GIGYF2: variants seen among roughly 807,000 people sequenced by gnomAD.
GIGYF2 encodes GRB10-interacting GYF protein 2.
GIGYF2 carries 25 observed loss-of-function variants against 208.1 expected under a neutral mutation model. That is an observed-to-expected ratio of 0.12 (90% CI 0.09 to 0.17). The LOEUF is 0.17. GIGYF2 is among the 10% of genes least tolerant of loss of function. GIGYF2 has a pLI of 1.00. For synonymous variants in GIGYF2, 534 were observed against 543.8 expected (o/e 0.98, Z 0.25); for missense variants, 1,302 against 1,579.4 (o/e 0.82, Z 2.98).
intron 8 of GIGYF2, among the ~76,000 whole-genome samples, chr2:232,786,866 C>T (rs139473999): frequency 3.6e-4 from 55 of 152,090 alleles, no homozygotes; most frequent in Middle Eastern, 6.8e-3. Context: ...CTGGGGAGTA[C>T]GACTCTGAGG....
Position 232,812,415 on chromosome 2 carries a change from C to T in GIGYF2, c.2031C>T (p.Pro677=), listed in dbSNP as rs1045807767. The stretch of plus-strand genomic sequence containing the variant: ...GAATATCTGATCAGAACATCATTCC[C>T]TCAGTAACTAGGTCTGTGTCCGTGC... ...KMRISDQNII[P]SVTRSVSVPD... Residue 677 remains proline, a synonymous_variant, in exon 18 of 29, where the codon CCC becomes CCT. Transcript: ENST00000373563. 6.7e-7 allele frequency: 1 copy of T among 1,489,542 alleles called. No individual in the cohort carries two copies. Among genetic ancestry groups the T allele is most frequent in the Non-Finnish European group, 9.4e-7 (1 of 1,066,944 alleles). 92.3% of individuals were successfully genotyped at this position (1,489,542 alleles called of 1,614,324 possible). A position where few individuals can be genotyped will look rare whatever the true frequency, so the allele number is the denominator to read the frequency against.
At chr2:232,767,487 A>G (rs1349770524) in intron 8 of GIGYF2, 5 of 152,592 alleles carry the variant, frequency 3.3e-5, no homozygotes, top group African/African-American at 1.2e-4. Flanking sequence ...TTGCAATGCA[A>G]AATACCACCC....
Position 232,760,489 on chromosome 2 carries a change from G to T in GIGYF2, c.389G>T (p.Arg130Ile). The change falls in exon 7 of 29, where the codon AGA becomes ATA. Residue 130 changes from arginine (R) to isoleucine (I), a missense_variant. Coordinates refer to ENST00000373563, the MANE Select transcript of GIGYF2 (RefSeq NM_001103146.3). ...RSSSRGRGRG[R>I]GECGFYQRSF... Reference sequence around the variant, plus strand: ...GTTTTCTTATTTTCAGGCAGAGGCAGAGGTGAATGTGGTTTCTACCAAAGA... The same window carrying T: ...GTTTTCTTATTTTCAGGCAGAGGCATAGGTGAATGTGGTTTCTACCAAAGA... 2 of 1,611,284 alleles carry T rather than the reference G, an allele frequency of 1.2e-6. No individual in the cohort carries two copies. The highest frequency in any genetic ancestry group is 1.7e-6 in the Non-Finnish European group (2 of 1,177,548).
rs1396012802 is a variant in GIGYF2 at position 232,860,187 on chromosome 2, G to A, written c.*3327G>A. On this transcript the variant is annotated 3_prime_UTR_variant, in exon 29 of 29. Coordinates refer to ENST00000373563, the MANE Select transcript of GIGYF2 (RefSeq NM_001103146.3). ...TGTTTTTGTTTTTGTATTGGAGATGGGTTCTTACTATGTTGCCCAGGCTGG... is the reference window on the plus strand; with the variant it reads ...TGTTTTTGTTTTTGTATTGGAGATGAGTTCTTACTATGTTGCCCAGGCTGG... 6.6e-6 allele frequency: 1 copy of A among 152,004 alleles called. No homozygotes were observed. Among genetic ancestry groups the A allele is most frequent in the Non-Finnish European group, 1.5e-5 (1 of 68,008 alleles). 9.4% of individuals were successfully genotyped at this position (152,004 alleles called of 1,614,324 possible). A position where few individuals can be genotyped will look rare whatever the true frequency, so the allele number is the denominator to read the frequency against.
At chr2:232,829,566 G>A (rs1385499741) in intron 21 of GIGYF2, among the ~76,000 whole-genome samples, 1 of 152,202 alleles carries the variant, frequency 6.6e-6, no homozygotes, top group Non-Finnish European at 1.5e-5. Flanking sequence ...CTCAGTTACT[G>A]AGTTTTTCCA....
At chr2:232,797,489 T>TTGTGTGTGTGTGTGTGTGTGTGTGTG (rs67221198) in intron 14 of GIGYF2, among the ~76,000 whole-genome samples, 4 of 145,090 alleles carry the variant, frequency 2.8e-5, no homozygotes, top group African/African-American at 1.0e-4. Context: ...AGAGCAGGGC[T>TTGTGTGTGTGTGTGTGTGTGTGTGTG]TGTGTGTGTG....
chr2:232,845,810 A>G lies in GIGYF2; in HGVS notation c.3384A>G (p.Val1128=). The change falls in exon 26 of 29, where the codon GTA becomes GTG. Residue 1128 remains valine (V), a synonymous_variant. Coordinates refer to ENST00000373563, the MANE Select transcript of GIGYF2 (RefSeq NM_001103146.3). The part of the protein sequence containing the change: ...EEKLLKLFQG[V]NKAQDGFTQW... ...AGTTGCTGAAGCTCTTTCAGGGAGT[A>G]AATAAAGCCCAAGATGGATTTACGC... 6.2e-7 allele frequency: 1 copy of G among 1,613,586 alleles called. No individual in the cohort carries two copies. The highest frequency in any genetic ancestry group is 8.5e-7 in the Non-Finnish European group (1 of 1,179,460).
Position 232,771,071 on chromosome 2 carries a change from T to A in GIGYF2, c.532+9635T>A, listed in dbSNP as rs760027526. ...AAACTGGTGATATACTTGACACAGA[T>A]AGTGTGGTTTTCAGGTGGGGCATCA... is the stretch of plus-strand genomic sequence containing the variant. On this transcript the variant is annotated intron_variant, in intron 8 of 28. Coordinates refer to ENST00000373563, the MANE Select transcript of GIGYF2 (RefSeq NM_001103146.3). The A allele has an allele frequency of 1.9e-6, 3 of 1,614,094 alleles. No homozygotes were observed. The South Asian group carries it at 3.3e-5, about 18-fold the overall frequency.
chr2:232,754,036 G>A (rs1265666035), intron 5 of GIGYF2, among the ~76,000 whole-genome samples: 2 of 152,082 alleles, frequency 1.3e-5, no homozygotes, highest in African/African-American at 4.8e-5. Context: ...ATGGTGGCAT[G>A]CGCCTGTAGT....
chr2:232,788,476 G>A (rs1699982119), intron 9 of GIGYF2: 1 of 427,056 alleles, frequency 2.3e-6, no homozygotes, highest in South Asian at 1.7e-5. Flanking sequence ...TTTATGCTGA[G>A]CTTGTCCGTA....
At chr2:232,801,921 T>C (rs568210097) in intron 14 of GIGYF2, among the ~76,000 whole-genome samples, 8 of 152,246 alleles carry the variant, frequency 5.3e-5, no homozygotes, top group Admixed American at 1.3e-4. Context: ...TGGATGTGTT[T>C]CCATTTATTT....
Position 232,760,599 on chromosome 2 carries a change from G to C in GIGYF2, c.491+8G>C. On this transcript the variant is annotated splice_region_variant and intron_variant, in intron 7 of 28. Transcript: ENST00000373563. ...GCAGAGCTGGGAGGAAAGGTAACTG[G>C]ATCCACATATTGGCATAAAAATTTC... is the stretch of plus-strand genomic sequence containing the variant. The C allele has an allele frequency of 6.4e-7, 1 of 1,556,460 alleles. No individual in the cohort carries two copies. The highest frequency in any genetic ancestry group is 1.1e-5 in the South Asian group (1 of 89,930).
At chr2:232,720,598 T>C (rs1309634818) in intron 2 of GIGYF2, among the ~76,000 whole-genome samples, 1 of 148,198 alleles carries the variant, frequency 6.7e-6, no homozygotes, top group East Asian at 2.0e-4. Context: ...TGTTTGTTTG[T>C]TTGTTTGTTT....
chr2:232,821,645 AT>A (rs1243065451), intron 21 of GIGYF2, among the ~76,000 whole-genome samples: 1 of 151,928 alleles, frequency 6.6e-6, no homozygotes, highest in African/African-American at 2.4e-5. Flanking sequence ...ATGTCTATTT[AT>A]TTTCCTAGGG....
At chr2:232,708,736 C>T (rs1411250277) in intron 2 of GIGYF2, among the ~76,000 whole-genome samples, 3 of 150,552 alleles carry the variant, frequency 2.0e-5, no homozygotes, top group African/African-American at 7.4e-5. Flanking sequence ...TAACTACAGC[C>T]TCACTGCAGC....
chr2:232,701,014 G>C (rs1388771151), intron 1 of GIGYF2, among the ~76,000 whole-genome samples: 1 of 151,890 alleles, frequency 6.6e-6, no homozygotes, highest in African/African-American at 2.4e-5. Context: ...TTTTATTCAT[G>C]CTCTCAGATG....
At chr2:232,735,592 T>C in intron 3 of GIGYF2, 1 of 456,248 alleles carries the variant, frequency 2.2e-6, no homozygotes, top group Non-Finnish European at 3.0e-6. Context: ...CTACATTGTT[T>C]TATCATTGCT....
intron 8 of GIGYF2, chr2:232,770,836 A>T: frequency 8.9e-7 from 1 of 1,122,968 alleles, no homozygotes; most frequent in East Asian, 2.5e-5. Flanking sequence ...TACCCTTTCC[A>T]AACACCTGTA....
intron 5 of GIGYF2, among the ~76,000 whole-genome samples, chr2:232,755,045 ACTT>A (rs1333942839): frequency 1.3e-5 from 2 of 152,212 alleles, no homozygotes; most frequent in African/African-American, 2.4e-5. Flanking sequence ...TTAGATGTTG[ACTT>A]CTTCAAAAGA....
Sources: allele counts gnomAD v4.1 joint callset (sites outside exome capture counted in the v4.1 genomes callset), GRCh38; gene constraint gnomAD v4.1.1; transcripts MANE v1.5; gene names NCBI Gene and HGNC (gene_info 2026-07-23, HGNC 2026-07-21).